TRIM66: variants seen among roughly 807,000 people sequenced by gnomAD.
TRIM66 encodes the protein tripartite motif containing 66.
TRIM66 carries 99 observed loss-of-function variants against 148.2 expected under a neutral mutation model. The observed-to-expected ratio is 0.67, with a 90% confidence interval of 0.57 to 0.79. The LOEUF (loss-of-function observed/expected upper bound fraction) is 0.79. Among genes scored for constraint, TRIM66 ranks in the 30% least tolerant of loss-of-function variants. The pLI, the probability that TRIM66 is intolerant of heterozygous loss-of-function variation, is 0.00. For missense variants in TRIM66, 1,666 were observed against 1,697.9 expected (o/e 0.98, Z 0.33); for synonymous variants, 616 against 635.9 (o/e 0.97, Z 0.47).
chr11:8,666,320 CAA>C (rs2038589765), intron 6 of TRIM66, among the ~76,000 whole-genome samples: 1 of 80,380 alleles, frequency 1.2e-5, no homozygotes, highest in African/African-American at 4.9e-5. Context: ...GCCTGGGCAA[CAA>C]GAGCAAAACT....
chr11:8,642,868 A>AT, intron 13 of TRIM66, 141 bp downstream of exon 13: 3 of 254,072 alleles, frequency 1.2e-5, no homozygotes, highest in Admixed American at 6.0e-5. Context: ...AAAAAAAAAA[A>AT]GGTTTGCTGA....
Position 8,628,683 on chromosome 11 carries a change from G to A in TRIM66, c.2311-3455C>T, listed in dbSNP as rs552758790. Among the ~76,000 whole-genome samples, 9 of 141,944 alleles carry A rather than the reference G, an allele frequency of 6.3e-5. 1 individual carries two copies. In the South Asian group the frequency reaches 2.1e-3, roughly 33 times the overall value. The allele number at this position is 141,944 out of a possible 152,430, so 93.1% of individuals were successfully genotyped here. A position where few individuals can be genotyped will look rare whatever the true frequency, so the allele number is the denominator to read the frequency against. ...GGTACCAAAGCTACAACTTAATTTT[G>A]ACTTGTCTCCCTCCATACCTCTCTG... On this transcript the variant is annotated intron_variant, in intron 15 of 24. Transcript: ENST00000646038.
chr11:8,678,869 G>A (rs1592223606), intron 3 of TRIM66, among the ~76,000 whole-genome samples: 1 of 152,196 alleles, frequency 6.6e-6, no homozygotes, highest in African/African-American at 2.4e-5. Flanking sequence ...GTGATGATGT[G>A]TTCCCAAGGC....
rs2038778342 is a variant in TRIM66, at chr11:8,669,144, A to T, written c.340+2642T>A. On this transcript the variant is annotated intron_variant, in intron 6 of 24. Coordinates refer to ENST00000646038, the MANE Select transcript of TRIM66 (RefSeq NM_001388022.1). The stretch of plus-strand genomic sequence containing the variant: ...ACAAAAGGTGCCACCACTGCTGCAG[A>T]GGCCCAATATCATTTGGTCCAAAGC... Among the ~76,000 whole-genome samples the T allele has an allele frequency of 2.6e-5, 4 of 152,338 alleles. No homozygotes were observed. In the South Asian group the frequency reaches 8.3e-4, roughly 32 times the overall value.
chr11:8,638,647 T>A lies in TRIM66; in HGVS notation c.2310+7A>T. On this transcript the variant is annotated splice_region_variant and intron_variant, in intron 15 of 24. Coordinates refer to ENST00000646038, the MANE Select transcript of TRIM66 (RefSeq NM_001388022.1). ...ATGTAGTTAGGGAAAACAGGCTCCT[T>A]CAGTACCTTTCTCACCACATTTGGA... The A allele has an allele frequency of 6.5e-7, 1 of 1,547,012 alleles. No individual in the cohort carries two copies. The highest frequency in any genetic ancestry group is 1.7e-4 in the Middle Eastern group (1 of 5,968).
chr11:8,662,495 A>G (rs557708562), intron 6 of TRIM66, among the ~76,000 whole-genome samples: 1 of 152,278 alleles, frequency 6.6e-6, no homozygotes, highest in African/African-American at 2.4e-5. Flanking sequence ...CACTAGCTTC[A>G]AGAAGCATCG....
rs1219506608 is a variant in TRIM66 at position 8,618,828 on chromosome 11, TC to T, written c.4040del (p.Gly1347AspfsTer81). ...SDSEEVSSES[G>X]CSTPQGFPWP... The stretch of plus-strand genomic sequence containing the variant: ...ACGGGAAGCCCTGGGGAGTGGAACA[TC>T]CACTCTCACTAGACACCTCCTCGGA... On this transcript the variant is annotated frameshift_variant, in exon 24 of 25. Transcript: ENST00000646038. LOFTEE classifies it high-confidence loss of function. 1.3e-6 allele frequency: 2 copies of T among 1,551,366 alleles called. No individual in the cohort carries two copies. The highest frequency in any genetic ancestry group is 3.9e-5 in the Admixed American group (2 of 50,982).
chr11:8,667,172 C>T (rs2038654763), intron 6 of TRIM66, among the ~76,000 whole-genome samples: 2 of 152,082 alleles, frequency 1.3e-5, no homozygotes, highest in South Asian at 2.1e-4. Context: ...AGCCTTGACA[C>T]ATGCATAATT....
chr11:8,624,861 G>C lies in TRIM66; in HGVS notation c.2678C>G (p.Pro893Arg), dbSNP rs552348802. The change falls in exon 16 of 25, where the codon CCG becomes CGG. Residue 893 changes from proline (P) to arginine (R), a missense_variant. Physicochemically the swap from Pro to Arg is moderately radical, Grantham distance 103. This residue lies in a region of TRIM66 where 1,431 missense variants were observed against 1,412.4 expected (regional missense o/e 1.01). Transcript: ENST00000646038. ...CTGCAGAGGACAAGTTGCCAGACTC[G>C]GCACAGCCTGGGTGTGACCAGACAT... ...SLMSGHTQAV[P>R]SLATCPLQSI... 2 of 1,551,682 alleles carry C rather than the reference G, an allele frequency of 1.3e-6. No individual in the cohort carries two copies. The highest frequency in any genetic ancestry group is 2.4e-5 in the South Asian group (2 of 84,036).
Position 8,621,282 on chromosome 11 carries a change from C to T in TRIM66, c.3295G>A (p.Gly1099Ser). 6.4e-7 allele frequency: 1 copy of T among 1,551,690 alleles called. No homozygotes were observed. Among genetic ancestry groups the T allele is most frequent in the Non-Finnish European group, 8.7e-7 (1 of 1,146,992 alleles). Residue 1099 changes from glycine to serine, a missense_variant, in exon 20 of 25, where the codon GGT becomes AGT. Around this residue, in one of 3 missense-constraint regions of TRIM66, gnomAD observed 1,431 missense variants for 1,412.4 expected, o/e 1.01. Coordinates refer to ENST00000646038, the MANE Select transcript of TRIM66 (RefSeq NM_001388022.1). ...DRLSEATQAP[G>S]LEGRKVTVTS... ...ACAGTGACCTTTCTTCCCTCCAGAC[C>T]TGGGGCCTGGGTGGCCTCAGACAGT...
intron 4 of TRIM66, among the ~76,000 whole-genome samples, chr11:8,674,423 GC>G (rs1245127752): frequency 1.3e-5 from 2 of 151,662 alleles, no homozygotes; most frequent in Non-Finnish European, 2.9e-5. Flanking sequence ...TTGCTCTGTT[GC>G]CTAGGCTGGA....
At chr11:8,682,154 G>T (rs758907162) in intron 1 of TRIM66, among the ~76,000 whole-genome samples, 7 of 152,214 alleles carry the variant, frequency 4.6e-5, no homozygotes, top group Non-Finnish European at 8.8e-5. Flanking sequence ...AATTTAAGTT[G>T]CTCAAACTTG....
intron 6 of TRIM66, among the ~76,000 whole-genome samples, chr11:8,669,940 A>C (rs965799652): frequency 1.3e-5 from 2 of 151,952 alleles, no homozygotes; most frequent in Admixed American, 6.6e-5. Flanking sequence ...TTTGGTGTAC[A>C]GATTATTTCA....
At chr11:8,629,943 A>C (rs1162737521) in intron 15 of TRIM66, among the ~76,000 whole-genome samples, 4 of 152,248 alleles carry the variant, frequency 2.6e-5, no homozygotes, top group Non-Finnish European at 5.9e-5. Context: ...CAGGCTATGC[A>C]GACACAATGG....
rs2036244146 is a variant in TRIM66, at chr11:8,640,207, C to T, written c.2148+20G>A. The stretch of plus-strand genomic sequence containing the variant: ...CCTACGATGGGCAGAATATGCACGC[C>T]AAGCCACCCTGACGCTTACCTGCAG... On this transcript the variant is annotated intron_variant, in intron 14 of 24. Transcript: ENST00000646038. The T allele has an allele frequency of 1.3e-6, 2 of 1,546,428 alleles. No homozygotes were observed. Among genetic ancestry groups the T allele is most frequent in the Non-Finnish European group, 1.7e-6 (2 of 1,143,546 alleles).
Position 8,619,373 on chromosome 11 carries a change from C to A in TRIM66, c.3900+10G>T. On this transcript the variant is annotated intron_variant, in intron 23 of 24. Transcript: ENST00000646038. ...GGAAATAGGAGAGAGGGAAAACAGG[C>A]AAGACATACATAATTGAACTTAGCA... is the stretch of plus-strand genomic sequence containing the variant. The A allele has an allele frequency of 6.7e-7, 1 of 1,489,620 alleles. No homozygotes were observed. The highest frequency in any genetic ancestry group is 1.4e-5 in the South Asian group (1 of 73,824). The allele number at this position is 1,489,620 out of a possible 1,614,324, so 92.3% of individuals were successfully genotyped here.
intron 14 of TRIM66, among the ~76,000 whole-genome samples, chr11:8,639,698 G>T (rs899202365): frequency 2.0e-5 from 3 of 152,180 alleles, no homozygotes; most frequent in Non-Finnish European, 4.4e-5. Flanking sequence ...AAATGATATG[G>T]TGCATATAAA....
rs2039332972 is a variant in TRIM66 at position 8,679,832 on chromosome 11, G to T, written c.-384-18C>A. The T allele has an allele frequency of 6.6e-6, 1 of 152,564 alleles. No individual in the cohort carries two copies. The highest frequency in any genetic ancestry group is 2.4e-5 in the African/African-American group (1 of 41,448). The allele number at this position is 152,564 out of a possible 1,614,324, so 9.5% of individuals were successfully genotyped here. On this transcript the variant is annotated intron_variant, in intron 2 of 24. Transcript: ENST00000646038. Reference sequence around the variant, plus strand: ...CCATAATGCTGTAAGGTCAGAGAGGGACTGGTCACTGAGGTAAAAGCAGGG... The same window carrying T: ...CCATAATGCTGTAAGGTCAGAGAGGTACTGGTCACTGAGGTAAAAGCAGGG...
intron 6 of TRIM66, among the ~76,000 whole-genome samples, chr11:8,670,434 G>C (rs1393009461): frequency 1.3e-5 from 2 of 152,144 alleles, no homozygotes; most frequent in Non-Finnish European, 2.9e-5. Flanking sequence ...TTATAAGTGA[G>C]AACATTAAGT....
Sources: gnomAD v4.1 joint callset for allele counts (sites outside exome capture counted in the v4.1 genomes callset) on GRCh38, gnomAD v4.1.1 for gene constraint, gnomAD v4.1.1 regional missense constraint, MANE v1.5 for transcripts, NCBI Gene and HGNC (gene_info 2026-07-23, HGNC 2026-07-21) for gene names.